Variants in GDI2 observed in about 807,000 individuals in gnomAD.
GDI2 encodes rab GDP dissociation inhibitor beta.
A neutral mutation model predicts 54.2 loss-of-function variants in GDI2; 22 were observed. That is an observed-to-expected ratio of 0.41 (90% confidence interval 0.29 to 0.58). The LOEUF (loss-of-function observed/expected upper bound fraction) is 0.58, where lower values mean the gene tolerates loss of function less well. Among genes scored for constraint, GDI2 ranks in the 20% least tolerant of loss-of-function variants. GDI2 has a pLI of 0.35. For synonymous variants in GDI2, 177 were observed against 182.1 expected, an observed-to-expected ratio of 0.97 and a Z score of 0.23; for missense variants, 422 against 546.0, an observed-to-expected ratio of 0.77 and a Z score of 2.26.
At chr10:5,781,272 T>TAA (rs34473822) in intron 6 of GDI2, among the ~76,000 whole-genome samples, 42 of 132,120 alleles carry the variant, frequency 3.2e-4, no homozygotes, top group African/African-American at 9.6e-4. Flanking sequence ...ATAAAACTTC[T>TAA]AAAAAAAAAA....
intron 7 of GDI2, among the ~76,000 whole-genome samples, chr10:5,771,862 C>A (rs1191375163): frequency 6.6e-6 from 1 of 152,174 alleles, no homozygotes; most frequent in African/African-American, 2.4e-5. Flanking sequence ...GAGGCCGAGG[C>A]AGGCAGATCA....
At chr10:5,791,748 A>C (rs890032295) in intron 4 of GDI2, among the ~76,000 whole-genome samples, 1 of 72,712 alleles carries the variant, frequency 1.4e-5, no homozygotes, top group African/African-American at 3.9e-5. Context: ...CTCAAAAAAA[A>C]AGAAAAAAAA....
At chr10:5,799,943 T>TC (rs775199685) in intron 2 of GDI2, among the ~76,000 whole-genome samples, 29 of 152,344 alleles carry the variant, frequency 1.9e-4, no homozygotes, top group Non-Finnish European at 2.8e-4. Flanking sequence ...TTATACATCG[T>TC]ATTATTCTTT....
At chr10:5,769,991 C>T (rs10795541) in intron 7 of GDI2, among the ~76,000 whole-genome samples, 81,883 of 152,020 alleles carry the variant, frequency 0.54, 22,733 homozygotes, top group Middle Eastern at 0.66. Flanking sequence ...ATCCAGGTAT[C>T]GATGAATGGA....
intron 1 of GDI2, among the ~76,000 whole-genome samples, chr10:5,805,471 T>C (rs1490613666): frequency 2.0e-5 from 3 of 148,714 alleles, no homozygotes; most frequent in Non-Finnish European, 4.4e-5. Context: ...AGCCTCAACC[T>C]CCAGGCTCAA....
At chr10:5,787,663 T>C (rs1460828402) in intron 4 of GDI2, among the ~76,000 whole-genome samples, 3 of 152,252 alleles carry the variant, frequency 2.0e-5, no homozygotes, top group Non-Finnish European at 4.4e-5. Context: ...ATCAGCACTA[T>C]ACTTAAGACA....
intron 1 of GDI2, among the ~76,000 whole-genome samples, chr10:5,804,609 T>C (rs1448948970): frequency 1.3e-5 from 2 of 152,236 alleles, no homozygotes; most frequent in African/African-American, 2.4e-5. Context: ...GATTCTTTCA[T>C]GTTTTGTGCA....
chr10:5,813,093 CG>C, intron 1 of GDI2, 120 bp downstream of exon 1: 1 of 600,116 alleles, frequency 1.7e-6, no homozygotes, highest in African/African-American at 2.0e-5. Flanking sequence ...ACTCCCGTCC[CG>C]AAAACTACGG....
At chr10:5,772,190 G>C (rs906074191) in intron 7 of GDI2, among the ~76,000 whole-genome samples, 2 of 152,218 alleles carry the variant, frequency 1.3e-5, no homozygotes, top group African/African-American at 4.8e-5. Context: ...TGTGGAGATG[G>C]AAGACAGTGA....
At position 5,768,556 on chromosome 10, in the gene GDI2, G is replaced by A; in HGVS notation, c.820-172C>T. On this transcript the variant is annotated intron_variant, in intron 7 of 10. Transcript: ENST00000380191. The surrounding 1 kb of genome is among the most constrained non-coding windows in gnomAD (Gnocchi z 4.4). Reference sequence around the variant, plus strand: ...AACAACCAAAACAATCTTAAAAGAAGAACAGCAAAGCTGGAGGACTCACTC... The same window carrying A: ...AACAACCAAAACAATCTTAAAAGAAAAACAGCAAAGCTGGAGGACTCACTC... 1.7e-6 allele frequency: 1 copy of A among 588,168 alleles called. No homozygotes were observed. The highest frequency in any genetic ancestry group is 2.1e-5 in the South Asian group (1 of 47,208). 36.4% of individuals were successfully genotyped at this position (588,168 alleles called of 1,614,324 possible).
chr10:5,767,418 C>G (rs765816147), intron 8 of GDI2, among the ~76,000 whole-genome samples: 2 of 151,974 alleles, frequency 1.3e-5, no homozygotes, highest in African/African-American at 2.4e-5. Context: ...CTCAAGTGAT[C>G]CTCTCCCACC....
rs527643850 is a variant in GDI2, at chr10:5,774,476, T to G, written c.720-535A>C. Among the ~76,000 whole-genome samples the G allele has an allele frequency of 6.6e-6, 1 of 152,314 alleles. No individual in the cohort carries two copies. The highest frequency in any genetic ancestry group is 1.9e-4 in the East Asian group (1 of 5,180). On this transcript the variant is annotated intron_variant, in intron 6 of 10. Coordinates refer to ENST00000380191, the MANE Select transcript of GDI2 (RefSeq NM_001494.4). This position sits in a 1 kb window ranked among gnomAD's most constrained non-coding sequence, Gnocchi z 4.8. The stretch of plus-strand genomic sequence containing the variant: ...AGTAAGAGACCTCTACACCTCATTT[T>G]CTTTGGCTGGAGGCGTTCAACCCCC...
In GDI2 at chr10:5,766,370, G is replaced by C; in HGVS notation, c.1137-75C>G. On this transcript the variant is annotated intron_variant, in intron 9 of 10. Coordinates refer to ENST00000380191, the MANE Select transcript of GDI2 (RefSeq NM_001494.4). The surrounding 1 kb of genome is among the most constrained non-coding windows in gnomAD (Gnocchi z 5.8). ...TGGCTCTGCCTGAGGTCAACTGAGA[G>C]GTACAGATGAATCCCACAGAGCAGC... is the stretch of plus-strand genomic sequence containing the variant. 2 of 1,476,468 alleles carry C rather than the reference G, an allele frequency of 1.4e-6. No homozygotes were observed. The highest frequency in any genetic ancestry group is 1.1e-5 in the South Asian group (1 of 88,280). 91.5% of individuals were successfully genotyped at this position (1,476,468 alleles called of 1,614,324 possible). A position where few individuals can be genotyped will look rare whatever the true frequency, so the allele number is the denominator to read the frequency against.
chr10:5,773,887 G>T lies in GDI2; in HGVS notation c.774C>A (p.Ile258=). ...TYMLNKPIEE[I]IVQNGKVIGV... is the part of the protein sequence containing the mutation. ...CAATTACTTTTCCATTCTGTACAAT[G>T]ATTTCTTCAATGGGTTTATTCAGCA... The change falls in exon 7 of 11, where the codon ATC becomes ATA. Residue 258 remains isoleucine (I), a synonymous_variant. Transcript: ENST00000380191. 5 of 1,565,904 alleles carry T rather than the reference G, an allele frequency of 3.2e-6. No homozygotes were observed. The highest frequency in any genetic ancestry group is 3.5e-6 in the Non-Finnish European group (4 of 1,140,654).
At chr10:5,769,571 A>G (rs577258341) in intron 7 of GDI2, among the ~76,000 whole-genome samples, 3 of 150,026 alleles carry the variant, frequency 2.0e-5, no homozygotes, top group Admixed American at 2.0e-4. Flanking sequence ...CTCCGTCTCA[A>G]AAGAAAAAAA....
intron 6 of GDI2, among the ~76,000 whole-genome samples, chr10:5,781,935 C>T (rs1840766431): frequency 6.6e-6 from 1 of 152,174 alleles, no homozygotes; most frequent in South Asian, 2.1e-4. Context: ...ATTGCTTGAA[C>T]CTGGGAGGCA....
rs960341152 is a variant in GDI2, at chr10:5,786,157, A to C, written c.389-107T>G. ...TGCCTTGTTATCAACTGCGGAATGCAGGATGCAATTTTTTTTTTTTTTTTT... is the reference window on the plus strand; with the variant it reads ...TGCCTTGTTATCAACTGCGGAATGCCGGATGCAATTTTTTTTTTTTTTTTT... On this transcript the variant is annotated intron_variant, in intron 4 of 10. Transcript: ENST00000380191. The C allele has an allele frequency of 2.2e-5, 13 of 594,320 alleles. No individual in the cohort carries two copies. In the African/African-American group the frequency reaches 2.3e-4, roughly 11 times the overall value. The allele number at this position is 594,320 out of a possible 1,614,324, so 36.8% of individuals were successfully genotyped here.
chr10:5,813,350 G>A lies in GDI2; in HGVS notation c.-92C>T. 2 of 896,254 alleles carry A rather than the reference G, an allele frequency of 2.2e-6. No homozygotes were observed. Among genetic ancestry groups the A allele is most frequent in the East Asian group, 2.9e-5 (1 of 34,870 alleles). 55.5% of individuals were successfully genotyped at this position (896,254 alleles called of 1,614,324 possible). Reference sequence around the variant, plus strand: ...GAGGCTGGGAGGCGCTCTTGGGCGCGAAGGAAAGGGGAAGAGAAAGAGAGG... The same window carrying A: ...GAGGCTGGGAGGCGCTCTTGGGCGCAAAGGAAAGGGGAAGAGAAAGAGAGG... On this transcript the variant is annotated 5_prime_UTR_variant, in exon 1 of 11. Coordinates refer to ENST00000380191, the MANE Select transcript of GDI2 (RefSeq NM_001494.4).
At chr10:5,791,897 C>T (rs1281584735) in intron 4 of GDI2, among the ~76,000 whole-genome samples, 1 of 151,830 alleles carries the variant, frequency 6.6e-6, no homozygotes, top group Non-Finnish European at 1.5e-5. Context: ...GCCTGGGGGA[C>T]AAAGAAAAAA....
Sources: allele counts gnomAD v4.1 joint callset (sites outside exome capture counted in the v4.1 genomes callset), GRCh38; gene constraint gnomAD v4.1.1; non-coding constraint Gnocchi (gnomAD v3.1); transcripts MANE v1.5; gene names NCBI Gene and HGNC (gene_info 2026-07-23, HGNC 2026-07-21).